The following PYY variants were observed in gnomAD, a reference collection of about 807,000 sequenced individuals.
PYY encodes the protein peptide YY, also known as peptide tyrosine tyrosine.
In PYY, 12 loss-of-function variants were observed where a neutral mutation model predicts 10.3. That is an observed-to-expected ratio of 1.17 (90% CI 0.75 to 1.89). The LOEUF (loss-of-function observed/expected upper bound fraction) is 1.89, where lower values mean the gene tolerates loss of function less well. Ranked by LOEUF, PYY falls within the 40% of genes most tolerant of loss-of-function variation. The pLI is 0.00. For missense variants in PYY, 141 were observed against 134.0 expected, an observed-to-expected ratio of 1.05 and a Z score of -0.26; for synonymous variants, 66 against 62.0, an observed-to-expected ratio of 1.06 and a Z score of -0.30.
intron 1 of PYY, among the ~76,000 whole-genome samples, chr17:43,977,282 G>A (rs1462669130): frequency 1.3e-5 from 2 of 152,134 alleles, no homozygotes; most frequent in African/African-American, 4.8e-5. Flanking sequence ...CATTAGCTGC[G>A]ACTTAGTCTG....
At chr17:43,991,417 G>A (rs975024587) in intron 1 of PYY, among the ~76,000 whole-genome samples, 1 of 151,800 alleles carries the variant, frequency 6.6e-6, no homozygotes, top group African/African-American at 2.4e-5. Context: ...GGCAAAAAGA[G>A]TGAAATTCCA....
At chr17:43,962,618 A>C (rs1404812970) in intron 2 of PYY, among the ~76,000 whole-genome samples, 1 of 152,198 alleles carries the variant, frequency 6.6e-6, no homozygotes, top group East Asian at 1.9e-4. Context: ...TGCCTGCATC[A>C]CGTTGGAAGT....
chr17:44,002,663 G>C (rs2049036380), intron 1 of PYY, among the ~76,000 whole-genome samples: 1 of 152,226 alleles, frequency 6.6e-6, no homozygotes, highest in Non-Finnish European at 1.5e-5. Flanking sequence ...TAACAGCATG[G>C]ATCTGGAGCA....
At chr17:43,961,046 T>C (rs1439537647) in intron 2 of PYY, among the ~76,000 whole-genome samples, 1 of 151,598 alleles carries the variant, frequency 6.6e-6, no homozygotes, top group East Asian at 1.9e-4. Flanking sequence ...CATAACAGGA[T>C]CCTGTCTCTA....
intron 2 of PYY, among the ~76,000 whole-genome samples, chr17:43,963,228 C>T (rs2048724261): frequency 6.6e-6 from 1 of 152,142 alleles, no homozygotes; most frequent in Non-Finnish European, 1.5e-5. Flanking sequence ...TAGCCCTGAG[C>T]TGGGCACGGT....
At chr17:43,976,276 T>TATACAC (rs1217188677) in intron 1 of PYY, among the ~76,000 whole-genome samples, 6 of 146,278 alleles carry the variant, frequency 4.1e-5, no homozygotes, top group East Asian at 2.0e-4. Flanking sequence ...CATGTACGTA[T>TATACAC]ATATACGCAT....
At chr17:43,999,657 A>C (rs1597861420) in intron 1 of PYY, among the ~76,000 whole-genome samples, 1 of 151,946 alleles carries the variant, frequency 6.6e-6, no homozygotes, top group East Asian at 1.9e-4. Context: ...AATCCCAGCT[A>C]CTCGGGAGGA....
chr17:43,962,850 C>T (rs2048722147), intron 2 of PYY, among the ~76,000 whole-genome samples: 1 of 152,164 alleles, frequency 6.6e-6, no homozygotes, highest in South Asian at 2.1e-4. Flanking sequence ...TCGTTCAAGT[C>T]TAAAGGGCCT....
At chr17:44,002,219 G>T (rs1464498901) in intron 1 of PYY, among the ~76,000 whole-genome samples, 1 of 152,204 alleles carries the variant, frequency 6.6e-6, no homozygotes, top group African/African-American at 2.4e-5. Flanking sequence ...TGTCCGAGGG[G>T]TGGGGGACTG....
chr17:43,952,893 G>C lies in PYY; in HGVS notation c.*63C>G. ...AGGCAGAATCCGGGTTTCTGGGGTC[G>C]GGAGTGCGTATGCAAATGACGTGGG... On this transcript the variant is annotated 3_prime_UTR_variant, in exon 4 of 4. Transcript: ENST00000692052. The C allele has an allele frequency of 1.3e-6, 2 of 1,482,464 alleles. No individual in the cohort carries two copies. The highest frequency in any genetic ancestry group is 1.8e-4 in the Middle Eastern group (1 of 5,582). The allele number at this position is 1,482,464 out of a possible 1,614,324, so 91.8% of individuals were successfully genotyped here.
rs1186423210 is a variant in PYY, at chr17:43,975,925, C to CGT, written c.-462-9395_-462-9394dup. ...ACGTACGTGTACATACACGTGTCTACGTACGTGTACATACACGTGTCTACG... is the reference window on the plus strand; with the variant it reads ...ACGTACGTGTACATACACGTGTCTACGTGTACGTGTACATACACGTGTCTACG... On this transcript the variant is annotated intron_variant, in intron 1 of 6. Coordinates refer to the PYY transcript ENST00000360085. Among the ~76,000 whole-genome samples the CGT allele has an allele frequency of 1.7e-3, 12 of 7,262 alleles. 5 individuals are homozygous for CGT. Among genetic ancestry groups the CGT allele is most frequent in the Admixed American group, 4.1e-3 (2 of 490 alleles). 4.8% of individuals were successfully genotyped at this position (7,262 alleles called of 152,430 possible).
chr17:43,986,598 G>A (rs1293202625), intron 1 of PYY, among the ~76,000 whole-genome samples: 3 of 152,236 alleles, frequency 2.0e-5, no homozygotes, highest in East Asian at 3.9e-4. Context: ...CCCAAGCCCT[G>A]GTTTCCTCAT....
intron 1 of PYY, among the ~76,000 whole-genome samples, chr17:43,992,210 C>T (rs555852550): frequency 8.6e-5 from 13 of 151,158 alleles, no homozygotes; most frequent in African/African-American, 2.2e-4. Flanking sequence ...TATAAGGGAA[C>T]GTTTTATGCA....
intron 1 of PYY, among the ~76,000 whole-genome samples, chr17:43,975,580 A>G (rs1045224962): frequency 6.6e-6 from 1 of 151,632 alleles, no homozygotes; most frequent in African/African-American, 2.4e-5. Context: ...ATAGCTGAGT[A>G]TTGTAGCACG....
At chr17:44,002,825 GA>G (rs2049038461) in intron 1 of PYY, among the ~76,000 whole-genome samples, 1 of 152,160 alleles carries the variant, frequency 6.6e-6, no homozygotes, top group Non-Finnish European at 1.5e-5. Context: ...GACTATTTGT[GA>G]AGTCCTTTGC....
At chr17:43,997,663 C>T (rs375199503) in intron 1 of PYY, among the ~76,000 whole-genome samples, 4 of 152,118 alleles carry the variant, frequency 2.6e-5, no homozygotes, top group Non-Finnish European at 2.9e-5. Flanking sequence ...TCAAAAATCA[C>T]TGAGGCAGCT....
intron 1 of PYY, among the ~76,000 whole-genome samples, chr17:43,979,928 A>C (rs2048871746): frequency 6.6e-6 from 1 of 152,116 alleles, no homozygotes; most frequent in Admixed American, 6.6e-5. Context: ...AGCACACCTA[A>C]AGTGCACAGA....
intron 1 of PYY, among the ~76,000 whole-genome samples, chr17:43,974,160 T>G (rs762642693): frequency 3.3e-5 from 5 of 152,070 alleles, no homozygotes; most frequent in Non-Finnish European, 7.4e-5. Context: ...TACATTGCCA[T>G]TTACATGGGA....
At chr17:43,983,262 A>C (rs1330120632) in intron 1 of PYY, among the ~76,000 whole-genome samples, 1 of 152,050 alleles carries the variant, frequency 6.6e-6, no homozygotes, top group African/African-American at 2.4e-5. Flanking sequence ...CAACAACAAC[A>C]ACAACAAAAA....
Sources: gnomAD v4.1 joint callset for allele counts (sites outside exome capture counted in the v4.1 genomes callset) on GRCh38, gnomAD v4.1.1 for gene constraint, MANE v1.5 for transcripts, NCBI Gene and HGNC (gene_info 2026-07-23, HGNC 2026-07-21) for gene names.